The following ARPP19 variants were observed in gnomAD, a reference collection of about 807,000 sequenced individuals.
The protein encoded by ARPP19 is cAMP regulated phosphoprotein 19.
In ARPP19, 8 loss-of-function variants were observed where a neutral mutation model predicts 12.0. The ratio of observed to expected loss-of-function variants is 0.67; its 90% CI spans 0.39 to 1.21. ARPP19 has a LOEUF of 1.21. ARPP19 is among the 50% of genes most tolerant of loss of function. The pLI is 0.01. For missense variants in ARPP19, 102 were observed against 136.3 expected (o/e 0.75, Z 1.25); for synonymous variants, 47 against 50.4 (o/e 0.93, Z 0.29).
rs2077936872 is a variant in ARPP19 at position 52,552,026 on chromosome 15, C to T, written c.247G>A (p.Asp83Asn). 1.9e-6 allele frequency: 3 copies of T among 1,610,460 alleles called. No individual in the cohort carries two copies. Among genetic ancestry groups the T allele is most frequent in the Non-Finnish European group, 2.5e-6 (3 of 1,176,674 alleles). Residue 83 changes from aspartate to asparagine, a missense_variant, in exon 3 of 3, where the codon GAT becomes AAT. Asp to Asn is a conservative substitution (Grantham distance 23). Transcript: ENST00000249822. ...KNKQLPTAAP[D>N]KTEVTGDHIP... ...TGGTCACCAGTGACCTCCGTCTTAT[C>T]CGGAGCTGCAGTAGGAAGTTGCTTG...
At chr15:52,568,806 C>A (rs1447435347) in intron 1 of ARPP19, 42 bp downstream of exon 1, 2 of 1,489,240 alleles carry the variant, frequency 1.3e-6, no homozygotes, top group Non-Finnish European at 1.8e-6. Context: ...CCGCCAGACC[C>A]GGCCTTGGGC....
intron 2 of ARPP19, among the ~76,000 whole-genome samples, chr15:52,555,994 T>G (rs1595862795): frequency 6.6e-6 from 1 of 152,192 alleles, no homozygotes; most frequent in Middle Eastern, 3.4e-3. Flanking sequence ...TAACTAACAT[T>G]TTTGTAATAA....
At chr15:52,558,620 C>T (rs1279908838) in intron 1 of ARPP19, among the ~76,000 whole-genome samples, 1 of 152,006 alleles carries the variant, frequency 6.6e-6, no homozygotes, top group Non-Finnish European at 1.5e-5. Context: ...TATCTTGAGC[C>T]TTCCAGGTTA....
Position 52,568,576 on chromosome 15 carries a change from G to A in ARPP19, c.45+272C>T, listed in dbSNP as rs144988556. On this transcript the variant is annotated intron_variant, in intron 1 of 2. Coordinates refer to ENST00000249822, the MANE Select transcript of ARPP19 (RefSeq NM_006628.6). The stretch of plus-strand genomic sequence containing the variant: ...CTCTACGCCCAAAGCCTGCGTCCTG[G>A]GCTCTCGCGTAAATATAAGTGACTG... 2.2e-3 allele frequency: 947 copies of A among 422,488 alleles called. 8 individuals carry two copies. The East Asian group carries it at 0.024, about 11-fold the overall frequency. 26.2% of individuals were successfully genotyped at this position (422,488 alleles called of 1,614,324 possible).
intron 1 of ARPP19, among the ~76,000 whole-genome samples, chr15:52,565,240 G>C (rs1357530054): frequency 1.3e-5 from 2 of 151,920 alleles, no homozygotes; most frequent in African/African-American, 4.8e-5. Flanking sequence ...GCCCAGGCCG[G>C]TCTCAAACTC....
chr15:52,558,482 A>AAAAAAAAAAAAAAAAAAAG (rs559673591), intron 1 of ARPP19, among the ~76,000 whole-genome samples: 1 of 148,976 alleles, frequency 6.7e-6, no homozygotes, highest in Non-Finnish European at 1.5e-5. Flanking sequence ...AAAAAAAAAA[A>AAAAAAAAAAAAAAAAAAAG]AAAGAAAGAA....
intron 1 of ARPP19, chr15:52,557,829 G>A (rs55800146): frequency 0.1 from 15,126 of 151,774 alleles, 844 homozygotes; most frequent in Middle Eastern, 0.17. Context: ...ATCCTGCCTC[G>A]ACCTCCCAAA....
chr15:52,568,086 T>C (rs565654578), intron 1 of ARPP19, among the ~76,000 whole-genome samples: 214 of 152,336 alleles, frequency 1.4e-3, no homozygotes, highest in African/African-American at 5.0e-3. Context: ...TGAACCACAG[T>C]GACACTCCCG....
At chr15:52,569,085 C>A, upstream of ARPP19, 2 of 561,930 alleles carry the variant, frequency 3.6e-6, no homozygotes, top group Non-Finnish European at 3.1e-6. Context: ...CCGGAGCCCG[C>A]CTGCCCCTCC....
At chr15:52,562,181 A>C (rs2078039616) in intron 1 of ARPP19, among the ~76,000 whole-genome samples, 2 of 152,186 alleles carry the variant, frequency 1.3e-5, no homozygotes. Context: ...AATTATTGAT[A>C]GCTATAAAAG....
chr15:52,554,113 T>C (rs1277050725), intron 2 of ARPP19, among the ~76,000 whole-genome samples: 1 of 152,178 alleles, frequency 6.6e-6, no homozygotes, highest in Non-Finnish European at 1.5e-5. Flanking sequence ...CTGCCAAATT[T>C]CTTATTTTGT....
chr15:52,568,952 A>T lies in ARPP19; in HGVS notation c.-60T>A. 1.5e-6 allele frequency: 1 copy of T among 653,142 alleles called. No individual in the cohort carries two copies. The highest frequency in any genetic ancestry group is 2.6e-6 in the Non-Finnish European group (1 of 391,466). The allele number at this position is 653,142 out of a possible 1,614,324, so 40.5% of individuals were successfully genotyped here. ...ATGCAATTAGCGGGTGGCCGAGGCC[A>T]CCCGGCCGCCGCCCGTCCCAGCTCT... On this transcript the variant is annotated 5_prime_UTR_variant, in exon 1 of 3. Transcript: ENST00000249822.
At chr15:52,568,509 T>G in intron 1 of ARPP19, 1 of 266,446 alleles carries the variant, frequency 3.8e-6, no homozygotes, top group Non-Finnish European at 7.0e-6. Context: ...AAGGAAAAAA[T>G]AAAACTTCCT....
chr15:52,559,601 CCTTA>C (rs2078013908), intron 1 of ARPP19, among the ~76,000 whole-genome samples: 1 of 152,092 alleles, frequency 6.6e-6, no homozygotes, highest in East Asian at 1.9e-4. Context: ...GATTTTTTTC[CCTTA>C]CTAACATTAG....
chr15:52,548,888 T>C lies in ARPP19; in HGVS notation c.*3046A>G, dbSNP rs1452261045. ...TAAAAAGAGCAACTAATTCCAACTG[T>C]TGAAGTAGTAACAAGTAAAGGCTTC... On this transcript the variant is annotated 3_prime_UTR_variant, in exon 3 of 3. Transcript: ENST00000249822. 6 of 152,682 alleles carry C rather than the reference T, an allele frequency of 3.9e-5. No individual in the cohort carries two copies. Among genetic ancestry groups the C allele is most frequent in the Non-Finnish European group, 7.3e-5 (5 of 68,042 alleles). 9.5% of individuals were successfully genotyped at this position (152,682 alleles called of 1,614,324 possible).
chr15:52,567,594 T>TTA (rs1252569984), intron 1 of ARPP19, among the ~76,000 whole-genome samples: 1 of 152,248 alleles, frequency 6.6e-6, no homozygotes, highest in Non-Finnish European at 1.5e-5. Flanking sequence ...CAAACTTTAA[T>TTA]ATTTGTATTT....
intron 2 of ARPP19, among the ~76,000 whole-genome samples, chr15:52,555,598 A>G (rs2077974614): frequency 6.6e-6 from 1 of 152,004 alleles, no homozygotes. Flanking sequence ...GGACCTTCCA[A>G]CTTGGAAGAC....
rs2077926087 is a variant in ARPP19 at position 52,551,104 on chromosome 15, C to T, written c.*830G>A. The T allele has an allele frequency of 6.6e-6, 1 of 152,656 alleles. No individual in the cohort carries two copies. The highest frequency in any genetic ancestry group is 2.4e-5 in the African/African-American group (1 of 41,456). The allele number at this position is 152,656 out of a possible 1,614,324, so 9.5% of individuals were successfully genotyped here. A position where few individuals can be genotyped will look rare whatever the true frequency, so the allele number is the denominator to read the frequency against. On this transcript the variant is annotated 3_prime_UTR_variant, in exon 3 of 3. Coordinates refer to ENST00000249822, the MANE Select transcript of ARPP19 (RefSeq NM_006628.6). ...ATTATACAAAAGCTATAATGATTTA[C>T]AGAGTTTTGTGTAGGAACTCTTGTG...
At chr15:52,568,816 C>T (rs1174725611) in intron 1 of ARPP19, 32 bp downstream of exon 1, 3 of 1,533,660 alleles carry the variant, frequency 2.0e-6, no homozygotes, top group Non-Finnish European at 2.6e-6. Context: ...CGGCCTTGGG[C>T]AGGGCCCAGG....
Sources: gnomAD v4.1 joint callset for allele counts (sites outside exome capture counted in the v4.1 genomes callset) on GRCh38, gnomAD v4.1.1 for gene constraint, MANE v1.5 for transcripts, NCBI Gene and HGNC (gene_info 2026-07-23, HGNC 2026-07-21) for gene names.